Variants in MIA2 observed in about 807,000 individuals in gnomAD.
The protein encoded by MIA2 is MIA SH3 domain ER export factor 2.
MIA2 carries 127 observed loss-of-function variants against 167.8 expected under a neutral mutation model. That is an observed-to-expected ratio of 0.76 (90% CI 0.66 to 0.88). MIA2 has a LOEUF of 0.88. Ranked by LOEUF, MIA2 falls within the 40% of genes least tolerant of loss-of-function variation. MIA2 has a pLI of 0.00. For missense variants in MIA2, 1,690 were observed against 1,624.7 expected (o/e 1.04, Z -0.69); for synonymous variants, 552 against 541.9 (o/e 1.02, Z -0.26).
chr14:39,359,904 C>G (rs936026011), intron 23 of MIA2, among the ~76,000 whole-genome samples: 3 of 152,020 alleles, frequency 2.0e-5, no homozygotes, highest in Non-Finnish European at 4.4e-5. Flanking sequence ...TGAGAAATCT[C>G]CATACTCTTT....
At chr14:39,304,632 A>G (rs187904263) in intron 17 of MIA2, among the ~76,000 whole-genome samples, 286 of 152,232 alleles carry the variant, frequency 1.9e-3, no homozygotes, top group Non-Finnish European at 3.0e-3. Context: ...GTAAAACCGT[A>G]TTTATCTTCG....
At chr14:39,358,671 A>T (rs184727618) in intron 23 of MIA2, among the ~76,000 whole-genome samples, 1 of 151,962 alleles carries the variant, frequency 6.6e-6, no homozygotes, top group African/African-American at 2.4e-5. Context: ...TTTTTCCCCC[A>T]TCTTAGTGGT....
At position 39,324,165 on chromosome 14, in the gene MIA2, T is replaced by A. The variant is rs898383413; in HGVS notation, c.3497-2699T>A. 4.6e-5 allele frequency among the ~76,000 whole-genome samples: 7 copies of A among 152,324 alleles called. 1 individual carries two copies. The highest frequency in any genetic ancestry group is 4.6e-4 in the Admixed American group (7 of 15,290). ...CATTAGAACTTTTAGGTTTGTAATA[T>A]TCACTGGGTAGTCAGTTGGCCTGTA... On this transcript the variant is annotated intron_variant, in intron 24 of 28. Coordinates refer to ENST00000640607, the MANE Select transcript of MIA2 (RefSeq NM_001329214.4).
intron 15 of MIA2, 46 bp downstream of exon 15, chr14:39,302,295 T>C (rs2062645863): frequency 6.2e-7 from 1 of 1,601,092 alleles, no homozygotes; most frequent in Non-Finnish European, 8.5e-7. Context: ...GGTGACTAGC[T>C]CTTCTATTTC....
At chr14:39,362,202 T>C (rs2074697287) in intron 23 of MIA2, among the ~76,000 whole-genome samples, 2 of 152,246 alleles carry the variant, frequency 1.3e-5, no homozygotes, top group Admixed American at 1.3e-4. Flanking sequence ...GCTGACCTTA[T>C]AGAATGAGTT....
At chr14:39,336,248 C>G (rs1197043493) in intron 25 of MIA2, among the ~76,000 whole-genome samples, 5 of 152,166 alleles carry the variant, frequency 3.3e-5, no homozygotes, top group Admixed American at 6.5e-5. Flanking sequence ...CTTTTCTCTA[C>G]AACCTTGGCA....
At chr14:39,326,740 A>T in intron 24 of MIA2, 124 bp from the exon 25 acceptor site, 1 of 749,730 alleles carries the variant, frequency 1.3e-6, no homozygotes, top group Non-Finnish European at 2.0e-6. Flanking sequence ...TTTACTTTCT[A>T]CACTGTTATT....
At chr14:39,324,449 A>G (rs980788596) in intron 24 of MIA2, among the ~76,000 whole-genome samples, 1 of 152,220 alleles carries the variant, frequency 6.6e-6, no homozygotes, top group Non-Finnish European at 1.5e-5. Flanking sequence ...ATCTGATTCT[A>G]CTAAAGGGAG....
chr14:39,328,650 C>A (rs1368809022), intron 25 of MIA2, among the ~76,000 whole-genome samples: 1 of 151,920 alleles, frequency 6.6e-6, no homozygotes, highest in African/African-American at 2.4e-5. Flanking sequence ...GTATAAGGTG[C>A]AGGGAAGGGG....
intron 23 of MIA2, among the ~76,000 whole-genome samples, chr14:39,372,515 G>T (rs1299271196): frequency 1.3e-5 from 2 of 152,116 alleles, no homozygotes; most frequent in Non-Finnish European, 2.9e-5. Flanking sequence ...GGAAAACTTT[G>T]TTCTGTTCTG....
At chr14:39,245,039 A>G (rs897565358) in intron 3 of MIA2, among the ~76,000 whole-genome samples, 1 of 149,040 alleles carries the variant, frequency 6.7e-6, no homozygotes, top group Non-Finnish European at 1.5e-5. Context: ...CAGCCTCCCC[A>G]AGCACTGGGA....
chr14:39,316,918 C>T (rs1417872699), intron 21 of MIA2, among the ~76,000 whole-genome samples: 1 of 152,046 alleles, frequency 6.6e-6, no homozygotes, highest in Non-Finnish European at 1.5e-5. Context: ...GAATGAAAAC[C>T]ACAAACAACA....
At chr14:39,302,922 T>A (rs2062766668) in intron 15 of MIA2, among the ~76,000 whole-genome samples, 1 of 152,180 alleles carries the variant, frequency 6.6e-6, no homozygotes, top group Non-Finnish European at 1.5e-5. Context: ...ATTTTTCTGT[T>A]CTCTTCCCCA....
intron 18 of MIA2, among the ~76,000 whole-genome samples, chr14:39,312,240 A>C (rs1381093719): frequency 4.6e-5 from 7 of 152,354 alleles, no homozygotes; most frequent in African/African-American, 1.7e-4. Context: ...ACCTTTTATC[A>C]GGAGAGGTGT....
chr14:39,359,022 C>T (rs1431416740), intron 23 of MIA2, among the ~76,000 whole-genome samples: 1 of 152,196 alleles, frequency 6.6e-6, no homozygotes, highest in East Asian at 1.9e-4. Context: ...AGGAGGCAGT[C>T]TGTCTGTTCT....
rs565403144 is a variant in MIA2 at position 39,288,929 on chromosome 14, T to C, written c.2131-2090T>C. ...CTGTAGGTTTGTTTGTTTGTTTATT[T>C]ATTTATTTTTTGTGGTTTCTTGGTC... is the stretch of plus-strand genomic sequence containing the variant. On this transcript the variant is annotated intron_variant, in intron 9 of 28. Transcript: ENST00000640607. Among the ~76,000 whole-genome samples, 26 of 152,302 alleles carry C rather than the reference T, an allele frequency of 1.7e-4. No individual in the cohort carries two copies. The East Asian group carries it at 4.6e-3, about 27-fold the overall frequency.
rs143716332 is a variant in MIA2 at position 39,329,433 on chromosome 14, A to G, written c.3655+2411A>G. Among the ~76,000 whole-genome samples the G allele has an allele frequency of 9.3e-3, 1,423 of 152,286 alleles. 25 individuals are homozygous for G. The highest frequency in any genetic ancestry group is 0.032 in the African/African-American group (1,334 of 41,542). Reference sequence around the variant, plus strand: ...AGACAACTTGACTTCCTCTCTTCCTATATGAATACCCTTTATTTATTTCTC... The same window carrying G: ...AGACAACTTGACTTCCTCTCTTCCTGTATGAATACCCTTTATTTATTTCTC... On this transcript the variant is annotated intron_variant, in intron 25 of 28. Coordinates refer to ENST00000640607, the MANE Select transcript of MIA2 (RefSeq NM_001329214.4).
chr14:39,239,819 G>A lies in MIA2; in HGVS notation c.250-742G>A, dbSNP rs145751249. On this transcript the variant is annotated intron_variant, in intron 2 of 28. Coordinates refer to ENST00000640607, the MANE Select transcript of MIA2 (RefSeq NM_001329214.4). ...TAGCTGTTTAAGGAACCACACTGTG[G>A]ACCCACAGTCTGTCAGTTTCCAAAT... Among the ~76,000 whole-genome samples, 106 of 152,274 alleles carry A rather than the reference G, an allele frequency of 7.0e-4. 2 individuals are homozygous for A. The East Asian group carries it at 0.02, about 28-fold the overall frequency.
At chr14:39,270,575 C>G (rs1361805491) in intron 6 of MIA2, among the ~76,000 whole-genome samples, 2 of 152,004 alleles carry the variant, frequency 1.3e-5, no homozygotes, top group African/African-American at 4.8e-5. Flanking sequence ...GTTGCCCAGG[C>G]TGGAGCGTAG....
Sources: allele counts gnomAD v4.1 joint callset (sites outside exome capture counted in the v4.1 genomes callset), GRCh38; gene constraint gnomAD v4.1.1; transcripts MANE v1.5; gene names NCBI Gene and HGNC (gene_info 2026-07-23, HGNC 2026-07-21).